OR6N1: variants seen among roughly 807,000 people sequenced by gnomAD.
OR6N1 encodes the protein olfactory receptor family 6 subfamily N member 1, also known as olfactory receptor 6N1.
For synonymous variants in OR6N1, 170 were observed against 150.7 expected (o/e 1.13, Z -0.94); for missense variants, 394 against 371.7 (o/e 1.06, Z -0.49).
the OR6N1 span, among the ~76,000 whole-genome samples, chr1:158,837,897 T>A: frequency 6.6e-6 from 1 of 151,854 alleles, no homozygotes; most frequent in Admixed American, 6.6e-5. Flanking sequence ...TCTGTGGTCA[T>A]CATCAGGTTG....
intron 1 of OR6N1, among the ~76,000 whole-genome samples, chr1:158,771,726 C>T (rs58582826): frequency 0.01 from 1,565 of 152,168 alleles, 32 homozygotes; most frequent in African/African-American, 0.034. Context: ...ATTTAAAAAA[C>T]GAAACAAACA....
the OR6N1 span, among the ~76,000 whole-genome samples, chr1:158,832,504 A>G: frequency 1.3e-5 from 2 of 151,700 alleles, no homozygotes; most frequent in African/African-American, 4.8e-5. Context: ...ATATTTTTAC[A>G]TAGAATATGT....
chr1:158,805,699 G>A, the OR6N1 span, among the ~76,000 whole-genome samples: 2 of 152,154 alleles, frequency 1.3e-5, no homozygotes, highest in Admixed American at 6.5e-5. Flanking sequence ...CAGAATGAAA[G>A]GCAAGGGGAG....
At chr1:158,780,320 A>G in the OR6N1 span, among the ~76,000 whole-genome samples, 3 of 152,060 alleles carry the variant, frequency 2.0e-5, no homozygotes, top group Non-Finnish European at 2.9e-5. Flanking sequence ...CCTAGCAAAC[A>G]TAATAATTTC....
At chr1:158,774,743 C>T (rs1180345631), upstream of OR6N1, 1 of 151,776 alleles carries the variant, frequency 6.6e-6, no homozygotes, top group Non-Finnish European at 1.5e-5. Flanking sequence ...GAAAATTAAC[C>T]TAGTATGATG....
the OR6N1 span, among the ~76,000 whole-genome samples, chr1:158,812,500 GC>G: frequency 6.6e-6 from 1 of 152,266 alleles, no homozygotes; most frequent in Middle Eastern, 3.4e-3. Flanking sequence ...AAAGAATGAG[GC>G]CTTCTGCCTC....
the OR6N1 span, among the ~76,000 whole-genome samples, chr1:158,787,507 A>G: frequency 6.6e-6 from 1 of 152,106 alleles, no homozygotes; most frequent in Non-Finnish European, 1.5e-5. Context: ...TTTTATTTAC[A>G]AAAACGAACT....
At chr1:158,787,635 TCACACACACACA>T in the OR6N1 span, among the ~76,000 whole-genome samples, 4 of 134,210 alleles carry the variant, frequency 3.0e-5, no homozygotes, top group Non-Finnish European at 6.3e-5. Flanking sequence ...TCTCTCTCTC[TCACACACACACA>T]CACACACACA....
the OR6N1 span, among the ~76,000 whole-genome samples, chr1:158,785,533 G>A: frequency 6.6e-6 from 1 of 152,054 alleles, no homozygotes; most frequent in Non-Finnish European, 1.5e-5. Context: ...TCTCATCCAA[G>A]CCACATTTTT....
Position 158,766,657 on chromosome 1 carries a change from A to T in OR6N1, c.26T>A (p.Val9Glu). 1 of 1,611,796 alleles carries T rather than the reference A, an allele frequency of 6.2e-7. No homozygotes were observed. Among genetic ancestry groups the T allele is most frequent in the Non-Finnish European group, 8.5e-7 (1 of 1,179,444 alleles). Residue 9 changes from valine to glutamate, a missense_variant, in exon 2 of 2, where the codon GTA (valine) becomes GAA (glutamate). Val to Glu is a moderately radical substitution (Grantham distance 121). Coordinates refer to ENST00000641846, the MANE Select transcript of OR6N1 (RefSeq NM_001005185.2). MDTGNWSQ[V>E]AEFIILGFPH... ...GAAGCCCAAGATGATGAATTCTGCTACCTGGCTCCAGTTCCCTGTGTCCAT... is the reference window on the plus strand; with the variant it reads ...GAAGCCCAAGATGATGAATTCTGCTTCCTGGCTCCAGTTCCCTGTGTCCAT...
chr1:158,836,495 A>G, the OR6N1 span, among the ~76,000 whole-genome samples: 9 of 151,862 alleles, frequency 5.9e-5, no homozygotes, highest in Admixed American at 5.2e-4. Flanking sequence ...TATCCATTTC[A>G]TTTAGGTTAT....
At chr1:158,805,877 G>A in the OR6N1 span, among the ~76,000 whole-genome samples, 1 of 152,136 alleles carries the variant, frequency 6.6e-6, no homozygotes, top group African/African-American at 2.4e-5. Context: ...TGAGATATAA[G>A]CCACTTTGAG....
chr1:158,817,865 TG>T, the OR6N1 span, among the ~76,000 whole-genome samples: 1 of 152,284 alleles, frequency 6.6e-6, no homozygotes, highest in South Asian at 2.1e-4. Flanking sequence ...TGGGGGAAAC[TG>T]GGGCAGGTTC....
the OR6N1 span, among the ~76,000 whole-genome samples, chr1:158,828,357 AT>A: frequency 6.6e-6 from 1 of 152,168 alleles, no homozygotes; most frequent in African/African-American, 2.4e-5. Flanking sequence ...CCTATATACA[AT>A]GGGGATACAG....
At chr1:158,780,625 A>T in the OR6N1 span, among the ~76,000 whole-genome samples, 3 of 152,242 alleles carry the variant, frequency 2.0e-5, no homozygotes, top group African/African-American at 7.2e-5. Flanking sequence ...GGGCAAAATC[A>T]TCTAACACAA....
the OR6N1 span, among the ~76,000 whole-genome samples, chr1:158,778,024 A>G: frequency 6.6e-6 from 1 of 152,222 alleles, no homozygotes; most frequent in African/African-American, 2.4e-5. Flanking sequence ...TTCTAGCTCT[A>G]TACTATATGA....
the OR6N1 span, among the ~76,000 whole-genome samples, chr1:158,827,301 T>C: frequency 2.6e-5 from 4 of 152,008 alleles, no homozygotes; most frequent in Admixed American, 6.6e-5. Flanking sequence ...GCAAAGAAAA[T>C]TTTTTTTAGA....
chr1:158,815,343 C>A, the OR6N1 span, among the ~76,000 whole-genome samples: 1 of 152,152 alleles, frequency 6.6e-6, no homozygotes, highest in Non-Finnish European at 1.5e-5. Context: ...CCCTATACAA[C>A]CTCAACAATG....
chr1:158,789,094 G>A, the OR6N1 span, among the ~76,000 whole-genome samples: 1 of 152,198 alleles, frequency 6.6e-6, no homozygotes, highest in African/African-American at 2.4e-5. Flanking sequence ...GTGATAATGT[G>A]ATATTTGTCT....
Sources: allele counts gnomAD v4.1 joint callset (sites outside exome capture counted in the v4.1 genomes callset), GRCh38; gene constraint gnomAD v4.1.1; transcripts MANE v1.5; gene names NCBI Gene and HGNC (gene_info 2026-07-23, HGNC 2026-07-21).